Variants in LARGE1 observed in about 807,000 individuals in gnomAD.
LARGE1 encodes xylosyl- and glucuronyltransferase LARGE1.
LARGE1 carries 43 observed loss-of-function variants against 87.6 expected under a neutral mutation model. The ratio of observed to expected loss-of-function variants is 0.49; its 90% CI spans 0.38 to 0.63. LARGE1 has a LOEUF of 0.63. LARGE1 is among the 30% of genes least tolerant of loss of function. LARGE1 has a pLI of 0.00. For synonymous variants in LARGE1, 434 were observed against 394.6 expected, an observed-to-expected ratio of 1.10 and a Z score of -1.18; for missense variants, 802 against 1,000.2, an observed-to-expected ratio of 0.80 and a Z score of 2.67.
At chr22:33,566,684 A>T (rs2078037362) in intron 5 of LARGE1, among the ~76,000 whole-genome samples, 1 of 152,036 alleles carries the variant, frequency 6.6e-6, no homozygotes, top group Non-Finnish European at 1.5e-5. Flanking sequence ...TTATTCCCTT[A>T]TTTCTCCCTG....
chr22:33,861,002 G>C (rs2063903869), intron 1 of LARGE1, among the ~76,000 whole-genome samples: 1 of 152,176 alleles, frequency 6.6e-6, no homozygotes, highest in Admixed American at 6.5e-5. Flanking sequence ...ACTGTCGCTA[G>C]AGAGATTTCA....
exon 12 of LARGE1, chr22:33,166,314 C>G (rs1238192579): frequency 6.7e-6 from 1 of 148,934 alleles, no homozygotes; most frequent in Non-Finnish European, 1.4e-5. Context: ...CCGTTGTCTT[C>G]AAGGAAGTGT....
chr22:33,395,547 T>C (rs1348878237), intron 7 of LARGE1, among the ~76,000 whole-genome samples: 5 of 152,240 alleles, frequency 3.3e-5, no homozygotes, highest in Admixed American at 2.6e-4. Context: ...GCTTGCATTA[T>C]GAAAACTGTT....
intron 1 of LARGE1, among the ~76,000 whole-genome samples, chr22:33,843,461 A>AAAT (rs1028284917): frequency 1.3e-5 from 2 of 151,542 alleles, no homozygotes; most frequent in African/African-American, 4.8e-5. Context: ...ATAAATAAAT[A>AAAT]AATAAATAAA....
At chr22:33,199,085 C>G (rs974686433) in intron 11 of LARGE1, among the ~76,000 whole-genome samples, 1 of 152,066 alleles carries the variant, frequency 6.6e-6, no homozygotes, top group African/African-American at 2.4e-5. Flanking sequence ...TTTTAATTTG[C>G]ATTTATCTGA....
chr22:33,071,314 TG>T, the LARGE1 span, among the ~76,000 whole-genome samples: 1 of 152,208 alleles, frequency 6.6e-6, no homozygotes, highest in Non-Finnish European at 1.5e-5. Flanking sequence ...ATACAGTGTC[TG>T]GATTTGAGTT....
At chr22:33,597,254 G>C (rs2079001198) in intron 5 of LARGE1, among the ~76,000 whole-genome samples, 1 of 141,698 alleles carries the variant, frequency 7.1e-6, no homozygotes, top group Non-Finnish European at 1.5e-5. Context: ...GGGCAATTCA[G>C]TTGCACTTCT....
chr22:33,537,687 C>T (rs1241555051), intron 6 of LARGE1, among the ~76,000 whole-genome samples: 1 of 152,194 alleles, frequency 6.6e-6, no homozygotes, highest in Admixed American at 6.5e-5. Flanking sequence ...CTCCCTCAGC[C>T]TCCCAAGTAG....
the LARGE1 span, among the ~76,000 whole-genome samples, chr22:33,101,064 C>T: frequency 3.3e-5 from 5 of 151,980 alleles, no homozygotes; most frequent in African/African-American, 9.7e-5. Flanking sequence ...AGGCTGGTCT[C>T]GAACTCCTGA....
At chr22:33,706,158 G>A (rs1048463638) in intron 2 of LARGE1, among the ~76,000 whole-genome samples, 1 of 152,232 alleles carries the variant, frequency 6.6e-6, no homozygotes, top group South Asian at 2.1e-4. Flanking sequence ...TGTGCTGGCT[G>A]TGTGTCGTTT....
chr22:33,686,822 G>A (rs1432466894), intron 2 of LARGE1, among the ~76,000 whole-genome samples: 6 of 152,088 alleles, frequency 3.9e-5, no homozygotes, highest in Admixed American at 1.3e-4. Context: ...CAAAAATATA[G>A]GATGTTCAAT....
intron 6 of LARGE1, among the ~76,000 whole-genome samples, chr22:33,499,743 ATAGGTAT>A (rs1369297780): frequency 6.6e-6 from 1 of 152,102 alleles, no homozygotes; most frequent in Non-Finnish European, 1.5e-5. Flanking sequence ...ATGTGTTGTA[ATAGGTAT>A]TAGATATGTA....
At chr22:33,621,498 G>T (rs1319754523) in intron 4 of LARGE1, among the ~76,000 whole-genome samples, 1 of 152,152 alleles carries the variant, frequency 6.6e-6, no homozygotes, top group African/African-American at 2.4e-5. Context: ...ACCAAATCTT[G>T]TCTGGAAAAT....
intron 6 of LARGE1, among the ~76,000 whole-genome samples, chr22:33,548,119 G>A (rs74961511): frequency 0.019 from 2,895 of 152,282 alleles, 40 homozygotes; most frequent in Middle Eastern, 0.054. Flanking sequence ...GGCCTACTGG[G>A]AAGTGAATGG....
At chr22:33,873,503 A>G (rs5754731) in intron 1 of LARGE1, 45,492 of 152,100 alleles carry the variant, frequency 0.3, 6,940 homozygotes, top group East Asian at 0.35. Context: ...CAGGCAACAC[A>G]GGACGAGTGG....
chr22:33,566,954 C>T (rs994850081), intron 5 of LARGE1, among the ~76,000 whole-genome samples: 1 of 152,134 alleles, frequency 6.6e-6, no homozygotes, highest in African/African-American at 2.4e-5. Context: ...AAAAAGCATC[C>T]CCAACTCTGT....
At chr22:33,497,179 G>A (rs1314441483) in intron 6 of LARGE1, among the ~76,000 whole-genome samples, 1 of 151,210 alleles carries the variant, frequency 6.6e-6, no homozygotes. Context: ...TGGTTCAAGC[G>A]AACCTCCTGC....
intron 4 of LARGE1, among the ~76,000 whole-genome samples, chr22:33,617,536 G>C (rs2079616282): frequency 6.6e-6 from 1 of 152,186 alleles, no homozygotes; most frequent in Admixed American, 6.5e-5. Flanking sequence ...TTTTATATTT[G>C]TATAACATCT....
In LARGE1 at chr22:33,274,538, G is replaced by A. The variant is rs1456360427; in HGVS notation, c.2160C>T (p.Asn720=). ...PSFDITKFRS[N]KQYRICLKTL... ...TTTTGAGACAGATGCGGTATTGCTT[G>A]TTGGAACGGAACTTGGTAATGTCGA... The change falls in exon 15 of 15, where the codon AAC becomes AAT. Residue 720 remains asparagine, a synonymous_variant. Coordinates refer to ENST00000397394, the MANE Select transcript of LARGE1 (RefSeq NM_133642.5). 3 of 1,614,026 alleles carry A rather than the reference G, an allele frequency of 1.9e-6. No homozygotes were observed. Among genetic ancestry groups the A allele is most frequent in the East Asian group, 4.5e-5 (2 of 44,892 alleles).
Sources: gnomAD v4.1 joint callset for allele counts (sites outside exome capture counted in the v4.1 genomes callset) on GRCh38, gnomAD v4.1.1 for gene constraint, MANE v1.5 for transcripts, NCBI Gene and HGNC (gene_info 2026-07-23, HGNC 2026-07-21) for gene names.